Variants in PEX14 observed in about 807,000 individuals in gnomAD.
PEX14 encodes the protein peroxisomal biogenesis factor 14.
In PEX14, 15 loss-of-function variants were observed where a neutral mutation model predicts 49.5. The ratio of observed to expected loss-of-function variants is 0.30; its 90% CI spans 0.20 to 0.47. PEX14 has a LOEUF of 0.47. PEX14 is among the 20% of genes least tolerant of loss of function. PEX14 has a pLI of 1.00. For synonymous variants in PEX14, 210 were observed against 212.7 expected (o/e 0.99, Z 0.11); for missense variants, 398 against 494.8 (o/e 0.80, Z 1.86).
chr1:10,583,799 G>A (rs182637524), intron 3 of PEX14, among the ~76,000 whole-genome samples: 2 of 152,132 alleles, frequency 1.3e-5, no homozygotes, highest in African/African-American at 2.4e-5. Context: ...CAGATTTCTG[G>A]GTAGAAAGAG....
At chr1:10,509,593 G>A (rs1244281188) in intron 2 of PEX14, among the ~76,000 whole-genome samples, 2 of 152,092 alleles carry the variant, frequency 1.3e-5, no homozygotes, top group East Asian at 1.9e-4. Context: ...TGACCTCAGC[G>A]GGCTCCATCA....
intron 2 of PEX14, among the ~76,000 whole-genome samples, chr1:10,533,231 G>T (rs1266254736): frequency 6.6e-6 from 1 of 152,024 alleles, no homozygotes; most frequent in Non-Finnish European, 1.5e-5. Context: ...ATCTAGTGTA[G>T]TGATGTCGAT....
intron 2 of PEX14, among the ~76,000 whole-genome samples, chr1:10,530,679 A>G (rs1371237807): frequency 2.0e-5 from 3 of 152,002 alleles, no homozygotes; most frequent in African/African-American, 4.8e-5. Flanking sequence ...TTACCTGGCT[A>G]TTGGGCCCTT....
At chr1:10,625,665 C>G (rs1333618384) in intron 7 of PEX14, among the ~76,000 whole-genome samples, 4 of 152,198 alleles carry the variant, frequency 2.6e-5, no homozygotes, top group Non-Finnish European at 5.9e-5. Flanking sequence ...CCTAAAGCAC[C>G]AGGAAGCCCA....
intron 1 of PEX14, among the ~76,000 whole-genome samples, chr1:10,477,035 C>T (rs753266995): frequency 6.6e-6 from 1 of 151,894 alleles, no homozygotes; most frequent in Non-Finnish European, 1.5e-5. Context: ...AGGATTGCCA[C>T]AGAACATGCT....
intron 2 of PEX14, among the ~76,000 whole-genome samples, chr1:10,517,395 A>G (rs990224149): frequency 6.6e-6 from 1 of 152,134 alleles, no homozygotes; most frequent in African/African-American, 2.4e-5. Context: ...TCACCCTCTG[A>G]TATAGCCCGT....
intron 1 of PEX14, among the ~76,000 whole-genome samples, chr1:10,491,655 G>A (rs187141321): frequency 7.0e-6 from 1 of 143,538 alleles, no homozygotes; most frequent in East Asian, 2.0e-4. Flanking sequence ...TAAGGTGTAA[G>A]CCACACTTGG....
rs1052810613 is a variant in PEX14 at position 10,613,971 on chromosome 1, G to A, written c.299-4361G>A. On this transcript the variant is annotated intron_variant, in intron 4 of 8. Coordinates refer to ENST00000356607, the MANE Select transcript of PEX14 (RefSeq NM_004565.3). This position sits in a 1 kb window ranked among gnomAD's most constrained non-coding sequence, Gnocchi z 5.0. ...CTCCTGCCCTTGTCTTTATACCTCC[G>A]GACATTCAGGGAGCCTGGTGGCGGG... is the stretch of plus-strand genomic sequence containing the variant. Among the ~76,000 whole-genome samples the A allele has an allele frequency of 3.9e-5, 6 of 152,190 alleles. No homozygotes were observed. The highest frequency in any genetic ancestry group is 9.7e-5 in the African/African-American group (4 of 41,434).
At chr1:10,564,902 ATC>A (rs1348520525) in intron 3 of PEX14, among the ~76,000 whole-genome samples, 2 of 99,140 alleles carry the variant, frequency 2.0e-5, no homozygotes, top group Non-Finnish European at 3.8e-5. Flanking sequence ...TTTTTTGTAT[ATC>A]TTTTTTTTTT....
At chr1:10,526,710 CAAATCCG>C (rs1421077578) in intron 2 of PEX14, among the ~76,000 whole-genome samples, 1 of 152,064 alleles carries the variant, frequency 6.6e-6, no homozygotes, top group African/African-American at 2.4e-5. Context: ...CTGAAAATCC[CAAATCCG>C]AAATGCTCCA....
intron 4 of PEX14, among the ~76,000 whole-genome samples, chr1:10,610,368 T>C (rs1254837457): frequency 4.0e-3 from 282 of 70,208 alleles, no homozygotes; most frequent in Admixed American, 0.013. Flanking sequence ...TATATATATA[T>C]ATATACACAC....
intron 3 of PEX14, among the ~76,000 whole-genome samples, chr1:10,571,094 C>T (rs975304221): frequency 4.2e-5 from 6 of 142,646 alleles, no homozygotes; most frequent in African/African-American, 1.6e-4. Flanking sequence ...TGGGCTCAGG[C>T]AGTCCTCCCA....
chr1:10,551,651 T>G (rs1289165330), intron 3 of PEX14, among the ~76,000 whole-genome samples: 1 of 152,220 alleles, frequency 6.6e-6, no homozygotes, highest in Non-Finnish European at 1.5e-5. Context: ...AGAATATACA[T>G]GTGTAGTTAG....
intron 1 of PEX14, among the ~76,000 whole-genome samples, chr1:10,483,998 A>T: frequency 6.8e-6 from 1 of 146,984 alleles, no homozygotes. Context: ...GTGTTATGGT[A>T]TGTATCAGTA....
At chr1:10,557,817 T>C (rs528295361) in intron 3 of PEX14, among the ~76,000 whole-genome samples, 1 of 148,340 alleles carries the variant, frequency 6.7e-6, no homozygotes, top group East Asian at 2.0e-4. Flanking sequence ...TGCAAGGGCA[T>C]AGAACTATTT....
intron 3 of PEX14, among the ~76,000 whole-genome samples, chr1:10,587,328 T>A (rs1640522704): frequency 6.6e-6 from 1 of 150,966 alleles, no homozygotes; most frequent in Admixed American, 6.6e-5. Flanking sequence ...GGTGGCACAC[T>A]CCTGTAATCC....
chr1:10,534,937 C>A (rs1484033256), intron 2 of PEX14, among the ~76,000 whole-genome samples: 2 of 152,184 alleles, frequency 1.3e-5, no homozygotes, highest in East Asian at 3.8e-4. Flanking sequence ...GGATTACATT[C>A]ATATAAAATA....
chr1:10,530,662 T>C (rs932282402), intron 2 of PEX14, among the ~76,000 whole-genome samples: 1 of 152,190 alleles, frequency 6.6e-6, no homozygotes, highest in Admixed American at 6.5e-5. Flanking sequence ...ATATTAACTT[T>C]CCCCTCTTAC....
intron 3 of PEX14, among the ~76,000 whole-genome samples, chr1:10,574,743 T>A (rs528019051): frequency 6.6e-6 from 1 of 152,026 alleles, no homozygotes; most frequent in South Asian, 2.1e-4. Flanking sequence ...ACAAGAGACA[T>A]AACTAAAATA....
Sources: allele counts gnomAD v4.1 joint callset (sites outside exome capture counted in the v4.1 genomes callset), GRCh38; gene constraint gnomAD v4.1.1; non-coding constraint Gnocchi (gnomAD v3.1); transcripts MANE v1.5; gene names NCBI Gene and HGNC (gene_info 2026-07-23, HGNC 2026-07-21).